PCDHA10: variants seen among roughly 807,000 people sequenced by gnomAD.
The protein encoded by PCDHA10 is protocadherin alpha 10, also known as protocadherin alpha-10.
A neutral mutation model predicts 61.2 loss-of-function variants in PCDHA10; 45 were observed. That is an observed-to-expected ratio of 0.74 (90% CI 0.58 to 0.94). The LOEUF (loss-of-function observed/expected upper bound fraction) is 0.94, where lower values mean the gene tolerates loss of function less well. Among genes scored for constraint, PCDHA10 ranks in the 40% least tolerant of loss-of-function variants. PCDHA10 has a pLI of 0.00. For synonymous variants in PCDHA10, 602 were observed against 548.8 expected (o/e 1.10, Z -1.35); for missense variants, 1,278 against 1,236.2 (o/e 1.03, Z -0.51).
intron 2 of PCDHA10, among the ~76,000 whole-genome samples, chr5:140,981,053 A>T (rs1422870263): frequency 6.6e-6 from 1 of 152,206 alleles, no homozygotes; most frequent in Non-Finnish European, 1.5e-5. Flanking sequence ...AGATAATTCT[A>T]GAGTGTAGAC....
chr5:140,961,549 T>C (rs782360372), intron 1 of PCDHA10, among the ~76,000 whole-genome samples: 3 of 152,220 alleles, frequency 2.0e-5, no homozygotes, highest in Non-Finnish European at 4.4e-5. Flanking sequence ...CTGCAGCATT[T>C]CTTTTTTTAA....
chr5:140,983,766 T>C (rs1554245666), intron 3 of PCDHA10, among the ~76,000 whole-genome samples: 2 of 152,206 alleles, frequency 1.3e-5, no homozygotes, highest in African/African-American at 4.8e-5. Flanking sequence ...TTCAAATACA[T>C]ATCTACATAC....
intron 1 of PCDHA10, among the ~76,000 whole-genome samples, chr5:140,941,034 G>A (rs1384147296): frequency 6.6e-6 from 1 of 151,968 alleles, no homozygotes; most frequent in Non-Finnish European, 1.5e-5. Context: ...GGCCTTTTTG[G>A]TGCCAAGTCA....
chr5:140,872,755 C>A (rs1415992998), intron 1 of PCDHA10, among the ~76,000 whole-genome samples: 2 of 152,118 alleles, frequency 1.3e-5, no homozygotes, highest in African/African-American at 4.8e-5. Flanking sequence ...TAAAGACATG[C>A]ATATAGGGCT....
Position 140,875,657 on chromosome 5 carries a change from G to T in PCDHA10, c.2388+17221G>T, listed in dbSNP as rs1241102848. 6 of 1,613,738 alleles carry T rather than the reference G, an allele frequency of 3.7e-6. No homozygotes were observed. The East Asian group carries it at 1.1e-4, about 30-fold the overall frequency. Reference sequence around the variant, plus strand: ...CTGGAGCTGGCGGAGCTGGTGCCGCGCCTGTTCCGGGTGGCGTCCAAAAGA... The same window carrying T: ...CTGGAGCTGGCGGAGCTGGTGCCGCTCCTGTTCCGGGTGGCGTCCAAAAGA... On this transcript the variant is annotated intron_variant, in intron 1 of 3. Coordinates refer to ENST00000307360, the MANE Select transcript of PCDHA10 (RefSeq NM_018901.4).
intron 1 of PCDHA10, chr5:140,870,682 C>G: frequency 6.2e-7 from 1 of 1,612,762 alleles, no homozygotes; most frequent in South Asian, 1.1e-5. Flanking sequence ...CCACGAGGAG[C>G]TGGAGCTGCT....
At chr5:140,926,538 G>T (rs155362) in intron 1 of PCDHA10, 176,859 of 210,462 alleles carry the variant, frequency 0.84, 75,003 homozygotes, top group African/African-American at 0.96. Context: ...CAGCCAGCGT[G>T]GTGGTCGAGA....
chr5:140,972,660 A>ATTTT (rs11350929), intron 1 of PCDHA10, among the ~76,000 whole-genome samples: 3 of 117,268 alleles, frequency 2.6e-5, no homozygotes, highest in Admixed American at 9.2e-5. Context: ...AAGAAACCAA[A>ATTTT]TTTTTTTTTT....
intron 1 of PCDHA10, among the ~76,000 whole-genome samples, chr5:140,955,338 C>T (rs1232401709): frequency 6.6e-6 from 1 of 152,062 alleles, no homozygotes; most frequent in African/African-American, 2.4e-5. Flanking sequence ...TCCCATAATC[C>T]CCACATGTTG....
chr5:140,870,229 C>T (rs781897836), intron 1 of PCDHA10: 13 of 1,614,046 alleles, frequency 8.1e-6, no homozygotes, highest in East Asian at 4.5e-5. Context: ...CGTGTCTGAC[C>T]GTGACTCAGG....
intron 1 of PCDHA10, among the ~76,000 whole-genome samples, chr5:140,896,881 A>C (rs1436700773): frequency 9.9e-5 from 15 of 152,204 alleles, no homozygotes; most frequent in Non-Finnish European, 1.3e-4. Context: ...TTTATGGGGT[A>C]TATGAGACAT....
At chr5:140,966,962 G>T (rs370831122) in intron 1 of PCDHA10, 4 of 1,602,632 alleles carry the variant, frequency 2.5e-6, no homozygotes, top group Non-Finnish European at 3.4e-6. Context: ...TCGCGCGCTG[G>T]GGCTTGAGCT....
intron 1 of PCDHA10, among the ~76,000 whole-genome samples, chr5:140,900,590 G>A (rs984247729): frequency 3.3e-5 from 5 of 152,174 alleles, no homozygotes; most frequent in South Asian, 2.1e-4. Flanking sequence ...TTCTTTACCC[G>A]TTCATCTGAT....
At chr5:140,941,214 C>CTTTCTTTCTTTCTTTTT (rs1554214039) in intron 1 of PCDHA10, among the ~76,000 whole-genome samples, 1 of 122,414 alleles carries the variant, frequency 8.2e-6, no homozygotes, top group East Asian at 2.3e-4. Context: ...TTTCTTTCTT[C>CTTTCTTTCTTTCTTTTT]CTTTCTTTCT....
At chr5:140,896,381 C>A (rs1235283612) in intron 1 of PCDHA10, among the ~76,000 whole-genome samples, 1 of 152,160 alleles carries the variant, frequency 6.6e-6, no homozygotes, top group Non-Finnish European at 1.5e-5. Context: ...TTCTCTGCAA[C>A]CTCACCAGCA....
Position 140,857,032 on chromosome 5 carries a change from T to C in PCDHA10, c.984T>C (p.Pro328=). ...ATGTTACAGATAAGGGAAACCCACC[T>C]ATGGTTGGTCACTGCACGGTCCTAG... The part of the protein sequence containing the change: ...HVDVTDKGNP[P]MVGHCTVLVE... The change falls in exon 1 of 4, where the codon CCT becomes CCC. Residue 328 remains proline, a synonymous_variant. Transcript: ENST00000307360. 1.3e-6 allele frequency: 2 copies of C among 1,595,838 alleles called. No homozygotes were observed. Among genetic ancestry groups the C allele is most frequent in the Non-Finnish European group, 1.7e-6 (2 of 1,165,534 alleles).
At chr5:140,876,635 C>T (rs1554168754) in intron 1 of PCDHA10, 1 of 1,614,208 alleles carries the variant, frequency 6.2e-7, no homozygotes, top group East Asian at 2.2e-5. Flanking sequence ...GTCATCTGCT[C>T]ACTGACACCT....
chr5:140,927,904 C>T, intron 1 of PCDHA10: 5 of 1,614,202 alleles, frequency 3.1e-6, no homozygotes, highest in Non-Finnish European at 4.2e-6. Flanking sequence ...CGATCATGCC[C>T]CCGAACTGGA....
intron 1 of PCDHA10, among the ~76,000 whole-genome samples, chr5:140,901,807 C>T (rs1227752610): frequency 6.6e-6 from 1 of 152,116 alleles, no homozygotes; most frequent in Non-Finnish European, 1.5e-5. Context: ...AACATTTTTA[C>T]AATATTGATT....
Sources: gnomAD v4.1 joint callset for allele counts (sites outside exome capture counted in the v4.1 genomes callset) on GRCh38, gnomAD v4.1.1 for gene constraint, MANE v1.5 for transcripts, NCBI Gene and HGNC (gene_info 2026-07-23, HGNC 2026-07-21) for gene names.